KEL: variants seen among roughly 807,000 people sequenced by gnomAD.
The protein encoded by KEL is kell blood group glycoprotein.
Under a neutral mutation model 99.5 loss-of-function variants are expected in KEL, and 96 were observed. That is an observed-to-expected ratio of 0.97 (90% CI 0.82 to 1.14). KEL has a LOEUF of 1.14. KEL is among the 50% of genes most tolerant of loss of function. The pLI is 0.00. For synonymous variants in KEL, 355 were observed against 354.8 expected, an observed-to-expected ratio of 1.00 and a Z score of -0.01; for missense variants, 926 against 924.2, an observed-to-expected ratio of 1.00 and a Z score of -0.03.
rs1264159984 is a variant in KEL, at chr7:142,943,035, C to G, written c.1781G>C (p.Gly594Ala). 4 of 1,613,922 alleles carry G rather than the reference C, an allele frequency of 2.5e-6. No individual in the cohort carries two copies. Among genetic ancestry groups the G allele is most frequent in the African/African-American group, 2.7e-5 (2 of 74,892 alleles). Residue 594 changes from glycine to alanine, a missense_variant, in exon 17 of 19, where the codon GGG (glycine) becomes GCG (alanine). Coordinates refer to ENST00000355265, the MANE Select transcript of KEL (RefSeq NM_000420.3). ...ATGGTTGTCACAGGCGAGGCAGCCC[C>G]CAGGCAGTACTGTTGAAAATGGGAC... ...LHIFYQLLLP[G>A]GCLACDNHAL...
intron 11 of KEL, 118 bp from the exon 12 acceptor site, chr7:142,944,859 AGCT>A (rs1278009507): frequency 2.4e-5 from 19 of 776,394 alleles, no homozygotes; most frequent in Non-Finnish European, 4.1e-5. Flanking sequence ...CCTGGGCTGG[AGCT>A]GCTGCTAGAG....
Position 142,942,448 on chromosome 7 carries a change from G to A in KEL, c.2023C>T (p.Arg675Ter), listed in dbSNP as rs61729047. The change falls in exon 18 of 19, where the codon CGA (arginine) becomes TGA (stop). Residue 675 changes from arginine to a stop codon, truncating the protein, a stop_gained. Coordinates refer to ENST00000355265, the MANE Select transcript of KEL (RefSeq NM_000420.3). LOFTEE classifies it high-confidence loss of function. ...CCGCTGCCTACCTGGGCATAGCTTC[G>A]AAAGAAGATCTGCTGGGGGCTGAGG... ...LDLSPQQIFF[R>*]SYAQVMCRKP... The A allele has an allele frequency of 8.8e-5, 140 of 1,598,800 alleles. 1 individual carries two copies. Among genetic ancestry groups the A allele is most frequent in the Middle Eastern group, 1.7e-4 (1 of 6,048 alleles).
chr7:142,949,469 G>T (rs2116657767), intron 10 of KEL, among the ~76,000 whole-genome samples: 1 of 152,168 alleles, frequency 6.6e-6, no homozygotes, highest in East Asian at 1.9e-4. Flanking sequence ...TTCCTGTTTT[G>T]CTTTTCTTCA....
chr7:142,946,022 A>C (rs1796514301), intron 11 of KEL, 185 bp downstream of exon 11: 4 of 610,420 alleles, frequency 6.6e-6, no homozygotes, highest in Non-Finnish European at 1.2e-5. Flanking sequence ...TGTGGCCTGA[A>C]GCTGAACTGT....
intron 10 of KEL, among the ~76,000 whole-genome samples, chr7:142,947,286 T>C (rs535632667): frequency 2.0e-5 from 3 of 152,210 alleles, no homozygotes; most frequent in African/African-American, 7.2e-5. Context: ...CTGTGATTTT[T>C]TTACTTCCCA....
rs974853667 is a variant in KEL at position 142,961,880 on chromosome 7, G to A, written c.4-8C>T. 6.2e-7 allele frequency: 1 copy of A among 1,613,728 alleles called. No individual in the cohort carries two copies. Among genetic ancestry groups the A allele is most frequent in the Non-Finnish European group, 8.5e-7 (1 of 1,179,614 alleles). On this transcript the variant is annotated splice_region_variant and splice_polypyrimidine_tract_variant and intron_variant, in intron 1 of 18. Transcript: ENST00000355265. ...ACTTTGGTCCCCACCTTCCTGAAGT[G>A]AGTGGAGGGAGAAGGAGGAGAGAGA...
At chr7:142,957,128 G>GCTTC in intron 6 of KEL, among the ~76,000 whole-genome samples, 1 of 152,342 alleles carries the variant, frequency 6.6e-6, no homozygotes, top group Non-Finnish European at 1.5e-5. Context: ...GGAGAGCAGG[G>GCTTC]CTTCACCTAA....
At chr7:142,948,396 G>T (rs552806714) in intron 10 of KEL, among the ~76,000 whole-genome samples, 11 of 152,182 alleles carry the variant, frequency 7.2e-5, no homozygotes, top group Admixed American at 5.2e-4. Flanking sequence ...GAAAAAAAAA[G>T]TTCCATATAC....
At chr7:142,951,978 A>C (rs1402485961) in intron 10 of KEL, among the ~76,000 whole-genome samples, 2 of 152,078 alleles carry the variant, frequency 1.3e-5, no homozygotes, top group Non-Finnish European at 2.9e-5. Flanking sequence ...TGGTTAGTGA[A>C]GTGCATTTTC....
Position 142,941,397 on chromosome 7 carries a change from G to A in KEL, c.2054C>T (p.Pro685Leu). 6.2e-7 allele frequency: 1 copy of A among 1,603,026 alleles called. No homozygotes were observed. The highest frequency in any genetic ancestry group is 8.5e-7 in the Non-Finnish European group (1 of 1,172,230). ...RSYAQVMCRK[P>L]SPQDSHDTHS... The stretch of plus-strand genomic sequence containing the variant: ...AGTGTCGTGAGAGTCCTGGGGGCTG[G>A]GCTTCCTACACATCACCTGAGCAGG... The change falls in exon 19 of 19, where the codon CCC (proline) becomes CTC (leucine). Residue 685 changes from proline to leucine, a missense_variant. Coordinates refer to ENST00000355265, the MANE Select transcript of KEL (RefSeq NM_000420.3).
At position 142,961,802 on chromosome 7, in the gene KEL, C is replaced by A. The variant is rs907281808; in HGVS notation, c.74G>T (p.Ser25Ile). ...SQAGGMGTLW[S>I]QESTPEERLP... ...GGAGAGGAGGCCACTTACCTCTTGG[C>A]TCCAGAGAGTTCCCATTCCACCTGC... The change falls in exon 2 of 19, where the codon AGC (serine) becomes ATC (isoleucine). Residue 25 changes from serine (S) to isoleucine (I), a missense_variant. Physicochemically the swap from Ser to Ile is moderately radical, Grantham distance 142 (BLOSUM62 -2). Coordinates refer to ENST00000355265, the MANE Select transcript of KEL (RefSeq NM_000420.3). 1.2e-6 allele frequency: 2 copies of A among 1,613,884 alleles called. No homozygotes were observed. Among genetic ancestry groups the A allele is most frequent in the Non-Finnish European group, 1.7e-6 (2 of 1,179,822 alleles).
At chr7:142,946,106 A>G in intron 11 of KEL, 101 bp downstream of exon 11, 2 of 849,380 alleles carry the variant, frequency 2.4e-6, no homozygotes, top group Non-Finnish European at 3.9e-6. Flanking sequence ...CAATTCCCCA[A>G]TCACACACAC....
intron 10 of KEL, among the ~76,000 whole-genome samples, chr7:142,950,534 G>A (rs1362586964): frequency 6.6e-6 from 1 of 152,164 alleles, no homozygotes; most frequent in Non-Finnish European, 1.5e-5. Flanking sequence ...CCTCTCTCTA[G>A]ACATTTTGTC....
rs556919259 is a variant in KEL, at chr7:142,944,913, G to A, written c.1315-172C>T. 2.7e-5 allele frequency: 18 copies of A among 662,442 alleles called. 1 individual carries two copies. The South Asian group carries it at 2.9e-4, about 11-fold the overall frequency. The allele number at this position is 662,442 out of a possible 1,614,324, so 41.0% of individuals were successfully genotyped here. On this transcript the variant is annotated intron_variant, in intron 11 of 18. Coordinates refer to ENST00000355265, the MANE Select transcript of KEL (RefSeq NM_000420.3). ...AGCAACTAAAGGATCTGTGGAGAAAGGAAGGCAGTGCCAAGCCCACAAAGG... is the reference window on the plus strand; with the variant it reads ...AGCAACTAAAGGATCTGTGGAGAAAAGAAGGCAGTGCCAAGCCCACAAAGG...
chr7:142,945,662 C>T (rs1796502935), intron 11 of KEL, among the ~76,000 whole-genome samples: 1 of 151,440 alleles, frequency 6.6e-6, no homozygotes, highest in African/African-American at 2.4e-5. Flanking sequence ...GAGTTTCACT[C>T]TTGTCACCCA....
rs747201780 is a variant in KEL, at chr7:142,954,194, T to C, written c.914A>G (p.Asp305Gly). 1 of 1,610,262 alleles carries C rather than the reference T, an allele frequency of 6.2e-7. No individual in the cohort carries two copies. Among genetic ancestry groups the C allele is most frequent in the Non-Finnish European group, 8.5e-7 (1 of 1,179,946 alleles). The change falls in exon 8 of 19, where the codon GAC (aspartate) becomes GGC (glycine). Residue 305 changes from aspartate to glycine, a missense_variant. By Grantham distance (94) the Asp-to-Gly change is moderately conservative. Coordinates refer to ENST00000355265, the MANE Select transcript of KEL (RefSeq NM_000420.3). Reference sequence around the variant, plus strand: ...CCCAGTTCCAGGCACCTTGAGCTGGTCGATAGTGACCATCTGGAAGAGCTT... The same window carrying C: ...CCCAGTTCCAGGCACCTTGAGCTGGCCGATAGTGACCATCTGGAAGAGCTT... Reference protein sequence around the residue: ...QGKLFQMVTIDQLKEMAPAID... With the variant: ...QGKLFQMVTIGQLKEMAPAID...
At chr7:142,950,536 C>G (rs1482138666) in intron 10 of KEL, among the ~76,000 whole-genome samples, 2 of 152,234 alleles carry the variant, frequency 1.3e-5, no homozygotes, top group African/African-American at 4.8e-5. Flanking sequence ...TCTCTCTAGA[C>G]ATTTTGTCAG....
chr7:142,944,499 A>C, intron 12 of KEL, 99 bp from the exon 13 acceptor site: 1 of 1,229,924 alleles, frequency 8.1e-7, no homozygotes, highest in Non-Finnish European at 1.2e-6. Context: ...CATTGTTGCC[A>C]GTGTGAGTAT....
chr7:142,961,526 A>G, intron 2 of KEL, 25 bp from the exon 3 acceptor site: 1 of 1,577,438 alleles, frequency 6.3e-7, no homozygotes, highest in South Asian at 1.1e-5. Context: ...AAGAGGTGAA[A>G]GATACAAGAT....
Sources: allele counts gnomAD v4.1 joint callset (sites outside exome capture counted in the v4.1 genomes callset), GRCh38; gene constraint gnomAD v4.1.1; transcripts MANE v1.5; gene names NCBI Gene and HGNC (gene_info 2026-07-23, HGNC 2026-07-21).